Variants in MCC observed in about 807,000 individuals in gnomAD.
MCC encodes colorectal mutant cancer protein.
MCC carries 90 observed loss-of-function variants against 116.2 expected under a neutral mutation model. The observed-to-expected ratio is 0.77, with a 90% CI of 0.65 to 0.92. MCC has a LOEUF of 0.92. MCC is among the 40% of genes least tolerant of loss of function. The probability of loss-of-function intolerance (pLI) is 0.00; values close to 1 mark genes in which losing one functional copy is unlikely to be tolerated. For missense variants in MCC, 1,516 were observed against 1,312.2 expected (o/e 1.16, Z -2.40); for synonymous variants, 578 against 510.5 (o/e 1.13, Z -1.78).
At chr5:113,203,697 C>T (rs1440816299) in intron 3 of MCC, among the ~76,000 whole-genome samples, 12 of 152,132 alleles carry the variant, frequency 7.9e-5, no homozygotes, top group African/African-American at 1.4e-4. Flanking sequence ...AAAAAAACAA[C>T]GCTGGATCTT....
chr5:113,215,003 T>C (rs889870349), intron 3 of MCC, among the ~76,000 whole-genome samples: 1 of 139,042 alleles, frequency 7.2e-6, no homozygotes, highest in African/African-American at 3.4e-5. Flanking sequence ...CACAAACCAT[T>C]TCCCTTACTT....
chr5:113,480,548 T>G (rs912593617), intron 1 of MCC, among the ~76,000 whole-genome samples: 7 of 152,210 alleles, frequency 4.6e-5, no homozygotes, highest in Non-Finnish European at 7.3e-5. Flanking sequence ...TCCTCAAGAA[T>G]AAAAGTCGTG....
intron 16 of MCC, among the ~76,000 whole-genome samples, chr5:113,046,685 C>CAAAAAAAAAAAAAAAAAAAAAAAAAAAAA (rs151183145): frequency 2.9e-4 from 17 of 58,390 alleles, no homozygotes; most frequent in Admixed American, 8.0e-4. Context: ...ACTCAAAAGG[C>CAAAAAAAAAAAAAAAAAAAAAAAAAAAAA]AAAAAAAAAA....
intron 11 of MCC, among the ~76,000 whole-genome samples, chr5:113,078,551 C>G (rs532823048): frequency 2.6e-5 from 4 of 152,328 alleles, no homozygotes; most frequent in East Asian, 3.9e-4. Context: ...GAACCAAAGA[C>G]AAAAACCACA....
At chr5:113,268,446 CATA>C (rs1335736580) in intron 3 of MCC, among the ~76,000 whole-genome samples, 1 of 152,138 alleles carries the variant, frequency 6.6e-6, no homozygotes, top group East Asian at 1.9e-4. Context: ...CATTCCAGAC[CATA>C]ATGTTTGTCT....
intron 3 of MCC, among the ~76,000 whole-genome samples, chr5:113,184,352 T>C (rs1761781807): frequency 2.0e-5 from 3 of 152,234 alleles, no homozygotes; most frequent in Admixed American, 1.3e-4. Context: ...AACTTATTTT[T>C]TCTGGTTTGG....
intron 7 of MCC, among the ~76,000 whole-genome samples, chr5:113,103,694 A>G (rs1756565997): frequency 6.6e-6 from 1 of 152,200 alleles, no homozygotes. Flanking sequence ...AGGAATATAA[A>G]GATACCAGAG....
chr5:113,145,388 G>A (rs1333305243), intron 4 of MCC, among the ~76,000 whole-genome samples: 31 of 152,032 alleles, frequency 2.0e-4, no homozygotes, highest in Admixed American at 1.9e-3. Context: ...TCCATATTCC[G>A]TCTAGGGCTA....
rs942889563 is a variant in MCC at position 113,024,522 on chromosome 5, G to A, written c.*2780C>T. 2 of 152,216 alleles carry A rather than the reference G, an allele frequency of 1.3e-5. No homozygotes were observed. Among genetic ancestry groups the A allele is most frequent in the African/African-American group, 4.8e-5 (2 of 41,454 alleles). The allele number at this position is 152,216 out of a possible 1,614,324, so 9.4% of individuals were successfully genotyped here. A position where few individuals can be genotyped will look rare whatever the true frequency, so the allele number is the denominator to read the frequency against. The stretch of plus-strand genomic sequence containing the variant: ...TGTGCCCATTTCTTCAAAAGCCAAA[G>A]ACTGAATTCTGAACAGAGATGGTTA... On this transcript the variant is annotated 3_prime_UTR_variant, in exon 19 of 19. Coordinates refer to ENST00000408903, the MANE Select transcript of MCC (RefSeq NM_001085377.2).
intron 11 of MCC, among the ~76,000 whole-genome samples, chr5:113,073,296 C>T (rs958731924): frequency 2.0e-5 from 3 of 152,180 alleles, no homozygotes; most frequent in African/African-American, 7.2e-5. Flanking sequence ...ACATGGCGTG[C>T]GTGAGGCCCC....
At position 113,357,760 on chromosome 5, in the gene MCC, A is replaced by G. The variant is rs185196382; in HGVS notation, c.416-17030T>C. Among the ~76,000 whole-genome samples, 144 of 152,286 alleles carry G rather than the reference A, an allele frequency of 9.5e-4. 1 individual carries two copies. The highest frequency in any genetic ancestry group is 1.9e-3 in the Non-Finnish European group (127 of 68,012). On this transcript the variant is annotated intron_variant, in intron 2 of 18. Coordinates refer to ENST00000408903, the MANE Select transcript of MCC (RefSeq NM_001085377.2). Reference sequence around the variant, plus strand: ...TGTGTACAACGTCAGTAAATACACTATGCTTGCAGCCCCTCCCAAGTGCTA... The same window carrying G: ...TGTGTACAACGTCAGTAAATACACTGTGCTTGCAGCCCCTCCCAAGTGCTA...
intron 1 of MCC, among the ~76,000 whole-genome samples, chr5:113,459,535 C>T (rs1459097617): frequency 6.6e-6 from 1 of 151,752 alleles, no homozygotes; most frequent in Admixed American, 6.6e-5. Flanking sequence ...GAGACTCCAT[C>T]TCAAAAAAAA....
At chr5:113,182,696 G>C (rs1274216528) in intron 3 of MCC, among the ~76,000 whole-genome samples, 1 of 152,166 alleles carries the variant, frequency 6.6e-6, no homozygotes, top group East Asian at 1.9e-4. Context: ...ATATGTCACA[G>C]TGAGTTTTGC....
At chr5:113,043,667 C>G (rs1462165124) in intron 16 of MCC, 37 bp from the exon 17 acceptor site, 1 of 1,500,460 alleles carries the variant, frequency 6.7e-7, no homozygotes, top group East Asian at 2.3e-5. Context: ...AGGCCTGAAT[C>G]CAAGCCGGCA....
intron 1 of MCC, among the ~76,000 whole-genome samples, chr5:113,411,117 T>C (rs1321517699): frequency 3.3e-5 from 5 of 152,212 alleles, no homozygotes; most frequent in African/African-American, 4.8e-5. Flanking sequence ...TTTCGGTATA[T>C]AACCAGTAAT....
At chr5:113,066,699 G>A (rs1753628342) in intron 13 of MCC, among the ~76,000 whole-genome samples, 1 of 152,238 alleles carries the variant, frequency 6.6e-6, no homozygotes, top group Admixed American at 6.5e-5. Context: ...CAAAGGGGGA[G>A]GAGCGGGGAA....
At chr5:113,077,054 CAAAG>C (rs1483291085) in intron 11 of MCC, among the ~76,000 whole-genome samples, 3 of 152,030 alleles carry the variant, frequency 2.0e-5, no homozygotes, top group Non-Finnish European at 4.4e-5. Context: ...TCAAAAGAGA[CAAAG>C]AAGGCCATTA....
At chr5:113,079,760 T>C (rs1461056029) in intron 11 of MCC, among the ~76,000 whole-genome samples, 3 of 152,204 alleles carry the variant, frequency 2.0e-5, no homozygotes, top group African/African-American at 7.2e-5. Context: ...AAGGACTTCA[T>C]GACTAAAACA....
chr5:113,091,978 G>C (rs554687919), intron 8 of MCC, among the ~76,000 whole-genome samples: 2 of 152,236 alleles, frequency 1.3e-5, no homozygotes, highest in South Asian at 4.1e-4. Context: ...TGTGGGTGTT[G>C]TTCTGTTTCA....
Sources: allele counts gnomAD v4.1 joint callset (sites outside exome capture counted in the v4.1 genomes callset), GRCh38; gene constraint gnomAD v4.1.1; transcripts MANE v1.5; gene names NCBI Gene and HGNC (gene_info 2026-07-23, HGNC 2026-07-21).